Variants in CLEC17A observed in about 807,000 individuals in gnomAD.
CLEC17A encodes the protein C-type lectin domain containing 17A.
Under a neutral mutation model 61.3 loss-of-function variants are expected in CLEC17A, and 37 were observed. The ratio of observed to expected loss-of-function variants is 0.60; its 90% CI spans 0.46 to 0.79. The LOEUF (loss-of-function observed/expected upper bound fraction) is 0.79, where lower values mean the gene tolerates loss of function less well. Among genes scored for constraint, CLEC17A ranks in the 30% least tolerant of loss-of-function variants. The probability of loss-of-function intolerance (pLI) is 0.00; values close to 1 mark genes in which losing one functional copy is unlikely to be tolerated. For synonymous variants in CLEC17A, 168 were observed against 164.9 expected (o/e 1.02, Z -0.14); for missense variants, 418 against 464.7 (o/e 0.90, Z 0.92).
At chr19:14,607,378 T>TG (rs2074911983) in intron 13 of CLEC17A, among the ~76,000 whole-genome samples, 1 of 148,690 alleles carries the variant, frequency 6.7e-6, no homozygotes, top group Non-Finnish European at 1.5e-5. Flanking sequence ...TAATTTTTTG[T>TG]ATTTTTAGTA....
chr19:14,582,953 G>A (rs946711103), upstream of CLEC17A: 2 of 563,784 alleles, frequency 3.5e-6, no homozygotes, highest in East Asian at 6.0e-5. Flanking sequence ...TGGGGAGAAA[G>A]GCTCTGTGTG....
chr19:14,583,914 A>G (rs1283615228), intron 2 of CLEC17A, among the ~76,000 whole-genome samples: 1 of 152,004 alleles, frequency 6.6e-6, no homozygotes, highest in Non-Finnish European at 1.5e-5. Context: ...GGGTTCAACA[A>G]GAGACTGATA....
intron 10 of CLEC17A, 86 bp downstream of exon 10, chr19:14,597,247 C>G: frequency 8.0e-7 from 1 of 1,243,550 alleles, no homozygotes; most frequent in East Asian, 2.5e-5. Context: ...CAACCTCATC[C>G]CCATCTTTGC....
At chr19:14,609,971 G>A (rs1465390380) in intron 13 of CLEC17A, 93 bp from the exon 14 acceptor site, 15 of 931,348 alleles carry the variant, frequency 1.6e-5, no homozygotes, top group Middle Eastern at 2.2e-4. Context: ...TGCCAAATGC[G>A]TAGTGCCAGG....
rs994289346 is a variant in CLEC17A, at chr19:14,583,126, C to T, written c.-35C>T. 1 of 1,613,578 alleles carries T rather than the reference C, an allele frequency of 6.2e-7. No homozygotes were observed. The highest frequency in any genetic ancestry group is 1.3e-5 in the African/African-American group (1 of 74,928). On this transcript the variant is annotated 5_prime_UTR_variant, in exon 1 of 14. Coordinates refer to ENST00000417570, the MANE Select transcript of CLEC17A (RefSeq NM_001204118.2). Reference sequence around the variant, plus strand: ...AGACAGGGGGCAGAGGTTGCCAAGCCCTGGCTGCCACTTGTCAGGTTCCCT... The same window carrying T: ...AGACAGGGGGCAGAGGTTGCCAAGCTCTGGCTGCCACTTGTCAGGTTCCCT...
chr19:14,610,132 C>T lies in CLEC17A; in HGVS notation c.1073C>T (p.Thr358Ile), dbSNP rs2075013469. 1 of 1,609,102 alleles carries T rather than the reference C, an allele frequency of 6.2e-7. No homozygotes were observed. Among genetic ancestry groups the T allele is most frequent in the East Asian group, 2.2e-5 (1 of 44,792 alleles). Residue 358 changes from threonine to isoleucine, a missense_variant, in exon 14 of 14, where the codon ACC becomes ATC. Transcript: ENST00000417570. ...EDCATMNKGG[T>I]WNDLSCYKTT... ...TGTGCTACCATGAACAAAGGTGGCACCTGGAATGATCTCTCTTGCTACAAA... is the reference window on the plus strand; with the variant it reads ...TGTGCTACCATGAACAAAGGTGGCATCTGGAATGATCTCTCTTGCTACAAA...
Position 14,583,213 on chromosome 19 carries a change from C to T in CLEC17A, c.43+10C>T, listed in dbSNP as rs375378844. 4.2e-5 allele frequency: 68 copies of T among 1,613,750 alleles called. No individual in the cohort carries two copies. Among genetic ancestry groups the T allele is most frequent in the African/African-American group, 9.3e-5 (7 of 74,916 alleles). The stretch of plus-strand genomic sequence containing the variant: ...TACCCGGACCCACCAGGTAAGGCCC[C>T]GGCCAGGCTGGGGCTGGGGCCTAGG... On this transcript the variant is annotated intron_variant, in intron 1 of 13. Transcript: ENST00000417570.
intron 7 of CLEC17A, 40 bp downstream of exon 7, chr19:14,594,840 A>T: frequency 6.4e-7 from 1 of 1,568,472 alleles, no homozygotes; most frequent in Non-Finnish European, 8.8e-7. Context: ...CTAAGAGGGG[A>T]TACCTGGATG....
At chr19:14,600,319 C>T in intron 12 of CLEC17A, 137 bp downstream of exon 12, 1 of 1,039,312 alleles carries the variant, frequency 9.6e-7, no homozygotes, top group East Asian at 2.6e-5. Flanking sequence ...ACAGCAAGCT[C>T]TTCCTAAGGT....
chr19:14,599,872 A>G, intron 11 of CLEC17A, 60 bp downstream of exon 11: 2 of 1,523,084 alleles, frequency 1.3e-6, no homozygotes, highest in Non-Finnish European at 1.8e-6. Context: ...GGCACATTAC[A>G]TCACTCCATT....
intron 12 of CLEC17A, among the ~76,000 whole-genome samples, chr19:14,605,087 C>T: frequency 6.6e-6 from 1 of 151,378 alleles, no homozygotes; most frequent in Non-Finnish European, 1.5e-5. Context: ...AATCCCAGCA[C>T]TTTGACCTCC....
At chr19:14,581,808 A>G (rs778872103), upstream of CLEC17A, among the ~76,000 whole-genome samples, 2 of 150,818 alleles carry the variant, frequency 1.3e-5, no homozygotes, top group Non-Finnish European at 2.9e-5. Flanking sequence ...GCGCGCCACC[A>G]TATCTGGCTA....
chr19:14,594,680 C>T lies in CLEC17A; in HGVS notation c.359C>T (p.Thr120Ile). ...PPLPCKPRNM[T>I]GLDLAAVTCP... is the part of the protein sequence containing the mutation. ...CTTCCTTGCAAGCCCCGGAACATGA[C>T]AGGTGAGAGCTGACAGTTGGAGTCT... The change falls in exon 6 of 14, where the codon ACA becomes ATA. Residue 120 changes from threonine (T) to isoleucine (I), a missense_variant and splice_region_variant. By Grantham distance (89) the Thr-to-Ile change is moderately conservative. Coordinates refer to ENST00000417570, the MANE Select transcript of CLEC17A (RefSeq NM_001204118.2). 1 of 1,613,988 alleles carries T rather than the reference C, an allele frequency of 6.2e-7. No individual in the cohort carries two copies.
intron 3 of CLEC17A, among the ~76,000 whole-genome samples, chr19:14,589,103 C>G (rs1353019185): frequency 3.3e-5 from 5 of 151,248 alleles, no homozygotes; most frequent in African/African-American, 9.8e-5. Flanking sequence ...CTTCATCACC[C>G]TCTCTACTAT....
intron 12 of CLEC17A, among the ~76,000 whole-genome samples, chr19:14,605,331 G>T (rs1289175796): frequency 6.6e-6 from 1 of 151,844 alleles, no homozygotes; most frequent in Non-Finnish European, 1.5e-5. Flanking sequence ...CCTGACCTCA[G>T]GTGATCCACC....
chr19:14,591,394 T>A (rs1286467535), intron 3 of CLEC17A, among the ~76,000 whole-genome samples: 1 of 151,784 alleles, frequency 6.6e-6, no homozygotes, highest in East Asian at 1.9e-4. Flanking sequence ...GACCTTGTGA[T>A]CTGACTGCCT....
intron 10 of CLEC17A, 131 bp from the exon 11 acceptor site, chr19:14,599,586 C>A: frequency 1.4e-6 from 1 of 733,514 alleles, no homozygotes; most frequent in Non-Finnish European, 2.5e-6. Flanking sequence ...TGAGCGCAAG[C>A]GTGACCCACT....
Position 14,583,140 on chromosome 19 carries a change from G to A in CLEC17A, c.-21G>A. 1 of 1,614,028 alleles carries A rather than the reference G, an allele frequency of 6.2e-7. No individual in the cohort carries two copies. The highest frequency in any genetic ancestry group is 8.5e-7 in the Non-Finnish European group (1 of 1,179,884). On this transcript the variant is annotated 5_prime_UTR_variant, in exon 1 of 14. Coordinates refer to ENST00000417570, the MANE Select transcript of CLEC17A (RefSeq NM_001204118.2). ...GGTTGCCAAGCCCTGGCTGCCACTT[G>A]TCAGGTTCCCTGTGCTAGACATGCA... is the stretch of plus-strand genomic sequence containing the variant.
intron 12 of CLEC17A, among the ~76,000 whole-genome samples, chr19:14,601,195 G>A (rs954220039): frequency 1.3e-5 from 2 of 152,040 alleles, no homozygotes; most frequent in African/African-American, 2.4e-5. Flanking sequence ...GAGCCACCAC[G>A]CTGGGCTAGG....
Sources: allele counts gnomAD v4.1 joint callset (sites outside exome capture counted in the v4.1 genomes callset), GRCh38; gene constraint gnomAD v4.1.1; transcripts MANE v1.5; gene names NCBI Gene and HGNC (gene_info 2026-07-23, HGNC 2026-07-21).